DCC: variants seen among roughly 807,000 people sequenced by gnomAD.
The protein encoded by DCC is DCC netrin 1 receptor.
A neutral mutation model predicts 172.5 loss-of-function variants in DCC; 58 were observed. The observed-to-expected ratio is 0.34, with a 90% CI of 0.27 to 0.42. DCC has a LOEUF of 0.42. Among genes scored for constraint, DCC ranks in the 10% least tolerant of loss-of-function variants. The probability of loss-of-function intolerance (pLI) is 1.00; values close to 1 mark genes in which losing one functional copy is unlikely to be tolerated. For missense variants in DCC, 1,740 were observed against 1,791.0 expected (o/e 0.97, Z 0.51); for synonymous variants, 709 against 644.5 (o/e 1.10, Z -1.52).
intron 5 of DCC, among the ~76,000 whole-genome samples, chr18:52,949,113 A>T (rs2040595523): frequency 6.6e-6 from 1 of 152,244 alleles, no homozygotes; most frequent in Admixed American, 6.5e-5. Flanking sequence ...TGTGATTAAT[A>T]GTCCCTGCCC....
At chr18:52,815,890 ATG>A (rs1330835062) in intron 2 of DCC, among the ~76,000 whole-genome samples, 1 of 152,228 alleles carries the variant, frequency 6.6e-6, no homozygotes, top group Admixed American at 6.5e-5. Context: ...GAATGACAGA[ATG>A]TGTCCAAAGG....
Position 53,175,953 on chromosome 18 carries a change from C to G in DCC, c.1419-3009C>G, listed in dbSNP as rs199826239. Among the ~76,000 whole-genome samples, 421 of 152,172 alleles carry G rather than the reference C, an allele frequency of 2.8e-3. 1 individual carries two copies. The highest frequency in any genetic ancestry group is 9.3e-3 in the African/African-American group (387 of 41,502). On this transcript the variant is annotated intron_variant, in intron 8 of 28. Transcript: ENST00000442544. Reference sequence around the variant, plus strand: ...TACCACAAGGCTACAGTAACCAAAACAGCATGGTACTGGTACCAAAACAGA... The same window carrying G: ...TACCACAAGGCTACAGTAACCAAAAGAGCATGGTACTGGTACCAAAACAGA...
chr18:52,431,735 G>A (rs771851725), intron 1 of DCC, among the ~76,000 whole-genome samples: 6 of 152,118 alleles, frequency 3.9e-5, no homozygotes, highest in Admixed American at 2.6e-4. Context: ...GGCCACAAAT[G>A]TTCCAGAGAC....
At chr18:53,261,890 G>T (rs2056608716) in intron 12 of DCC, among the ~76,000 whole-genome samples, 1 of 152,118 alleles carries the variant, frequency 6.6e-6, no homozygotes, top group Non-Finnish European at 1.5e-5. Context: ...CAGAAAGGTA[G>T]ATCCCAGAGC....
At chr18:53,333,010 T>C (rs1292946661) in intron 14 of DCC, among the ~76,000 whole-genome samples, 2 of 150,138 alleles carry the variant, frequency 1.3e-5, no homozygotes, top group Non-Finnish European at 2.9e-5. Flanking sequence ...GTCAGGGCTG[T>C]AGTGAGCTAG....
At chr18:53,371,434 T>C (rs1163608989) in intron 15 of DCC, among the ~76,000 whole-genome samples, 6 of 151,988 alleles carry the variant, frequency 3.9e-5, no homozygotes, top group Non-Finnish European at 1.5e-5. Context: ...GCATTTCCTC[T>C]TGTAATCTGC....
At chr18:52,410,196 G>A (rs1238778639) in intron 1 of DCC, among the ~76,000 whole-genome samples, 1 of 152,170 alleles carries the variant, frequency 6.6e-6, no homozygotes, top group East Asian at 1.9e-4. Context: ...GGCTGAGGCA[G>A]GAGGATTGCA....
At chr18:53,475,069 T>A (rs1157900742) in intron 25 of DCC, among the ~76,000 whole-genome samples, 1 of 152,148 alleles carries the variant, frequency 6.6e-6, no homozygotes, top group Admixed American at 6.5e-5. Context: ...TAGAGATTTG[T>A]GGAACTGAAC....
intron 12 of DCC, among the ~76,000 whole-genome samples, chr18:53,261,828 C>T (rs931835781): frequency 1.3e-5 from 2 of 152,118 alleles, no homozygotes; most frequent in African/African-American, 4.8e-5. Flanking sequence ...GGGTCTGCCT[C>T]TGGGATGGTA....
At chr18:53,256,651 C>T (rs1248733475) in intron 12 of DCC, among the ~76,000 whole-genome samples, 1 of 152,110 alleles carries the variant, frequency 6.6e-6, no homozygotes, top group Non-Finnish European at 1.5e-5. Flanking sequence ...AGCATGATGC[C>T]TCCAGCTTTG....
chr18:53,080,620 A>G (rs1161207752), intron 7 of DCC, among the ~76,000 whole-genome samples: 1 of 152,156 alleles, frequency 6.6e-6, no homozygotes, highest in Non-Finnish European at 1.5e-5. Flanking sequence ...GTGTTAGATC[A>G]GAGCAGGAGG....
intron 15 of DCC, among the ~76,000 whole-genome samples, chr18:53,360,839 T>C (rs1292329195): frequency 6.6e-6 from 1 of 152,208 alleles, no homozygotes; most frequent in Non-Finnish European, 1.5e-5. Flanking sequence ...CATAGCCTCC[T>C]TCATAATTAG....
intron 7 of DCC, among the ~76,000 whole-genome samples, chr18:53,120,819 A>T (rs530474653): frequency 7.7e-4 from 117 of 151,878 alleles, no homozygotes; most frequent in Non-Finnish European, 1.1e-3. Flanking sequence ...CATGATAGAG[A>T]ATATGTTTTA....
chr18:53,010,880 T>C (rs1358551226), intron 5 of DCC, among the ~76,000 whole-genome samples: 1 of 151,240 alleles, frequency 6.6e-6, no homozygotes, highest in Non-Finnish European at 1.5e-5. Context: ...TTATGGTTCA[T>C]GTTTAGTTTT....
At chr18:53,407,528 G>GATATATAGATATATATATAT (rs1909733649) in intron 19 of DCC, among the ~76,000 whole-genome samples, 1 of 117,438 alleles carries the variant, frequency 8.5e-6, no homozygotes, top group African/African-American at 3.0e-5. Flanking sequence ...TTTTATTCTG[G>GATATATAGATATATATATAT]ATATATATAT....
chr18:53,265,529 C>A (rs139832153), intron 12 of DCC, among the ~76,000 whole-genome samples: 309 of 152,256 alleles, frequency 2.0e-3, no homozygotes, highest in African/African-American at 7.1e-3. Context: ...AATTTGGAGA[C>A]CATTTTTATT....
chr18:52,669,401 AAGG>A (rs2035512455), intron 1 of DCC, among the ~76,000 whole-genome samples: 2 of 152,190 alleles, frequency 1.3e-5, no homozygotes, highest in South Asian at 4.1e-4. Context: ...CTCAGGCAAG[AAGG>A]AGATTTGTTT....
intron 1 of DCC, among the ~76,000 whole-genome samples, chr18:52,373,110 C>T (rs1323677520): frequency 2.0e-5 from 3 of 152,112 alleles, no homozygotes; most frequent in African/African-American, 7.2e-5. Context: ...AAAATGTAAA[C>T]ACATCCAGAA....
At chr18:52,920,783 T>A (rs138766998) in intron 3 of DCC, among the ~76,000 whole-genome samples, 223 of 152,260 alleles carry the variant, frequency 1.5e-3, no homozygotes, top group African/African-American at 5.2e-3. Flanking sequence ...ACCAAGGTAT[T>A]CTTCAATAGA....
Sources: allele counts gnomAD v4.1 joint callset (sites outside exome capture counted in the v4.1 genomes callset), GRCh38; gene constraint gnomAD v4.1.1; transcripts MANE v1.5; gene names NCBI Gene and HGNC (gene_info 2026-07-23, HGNC 2026-07-21).